EED: variants seen among roughly 807,000 people sequenced by gnomAD.
EED encodes the protein embryonic ectoderm development.
Under a neutral mutation model 61.0 loss-of-function variants are expected in EED, and 9 were observed. That is an observed-to-expected ratio of 0.15 (90% CI 0.09 to 0.26). The LOEUF is 0.26. Among genes scored for constraint, EED ranks in the 10% least tolerant of loss-of-function variants. The probability of loss-of-function intolerance (pLI) is 1.00; values close to 1 mark genes in which losing one functional copy is unlikely to be tolerated. For missense variants in EED, 315 were observed against 542.3 expected (o/e 0.58, Z 4.16); for synonymous variants, 187 against 174.4 (o/e 1.07, Z -0.57).
At chr11:86,262,696 A>G (rs1250624252) in intron 6 of EED, among the ~76,000 whole-genome samples, 1 of 151,936 alleles carries the variant, frequency 6.6e-6, no homozygotes, top group Non-Finnish European at 1.5e-5. Context: ...TTTTTTGTAG[A>G]GATGGAGTTT....
chr11:86,275,601 A>G (rs190153645), intron 9 of EED, among the ~76,000 whole-genome samples: 51 of 152,308 alleles, frequency 3.3e-4, no homozygotes, highest in African/African-American at 9.4e-4. Context: ...GGACTCCAGT[A>G]CTTAAAAATT....
In EED at chr11:86,268,443, A is replaced by T; in HGVS notation, c.861-13A>T. 7.0e-6 allele frequency: 10 copies of T among 1,421,056 alleles called. No individual in the cohort carries two copies. Among genetic ancestry groups the T allele is most frequent in the African/African-American group, 1.4e-5 (1 of 69,710 alleles). The allele number at this position is 1,421,056 out of a possible 1,614,324, so 88.0% of individuals were successfully genotyped here. ...TTTTCTTTTAACTTTTTACATTTCC[A>T]TTCTTCCTTCAGGCCATTTATTTCT... On this transcript the variant is annotated splice_polypyrimidine_tract_variant and intron_variant, in intron 8 of 11. Transcript: ENST00000263360.
At chr11:86,255,566 A>G (rs1593732333) in intron 4 of EED, among the ~76,000 whole-genome samples, 2 of 152,302 alleles carry the variant, frequency 1.3e-5, no homozygotes, top group East Asian at 3.8e-4. Context: ...GGAGCATTAG[A>G]AATCTAGTAA....
intron 1 of EED, among the ~76,000 whole-genome samples, chr11:86,248,025 C>T (rs1396592614): frequency 6.6e-6 from 1 of 152,202 alleles, no homozygotes; most frequent in Non-Finnish European, 1.5e-5. Context: ...GGAGACTTGT[C>T]TTTTTGCTTA....
In EED at chr11:86,245,070, C is replaced by G; in HGVS notation, c.-160C>G. The G allele has an allele frequency of 3.6e-6, 2 of 563,196 alleles. No homozygotes were observed. Among genetic ancestry groups the G allele is most frequent in the East Asian group, 3.4e-5 (1 of 29,326 alleles). The allele number at this position is 563,196 out of a possible 1,614,324, so 34.9% of individuals were successfully genotyped here. Reference sequence around the variant, plus strand: ...GCAGTGTGGCGGGGTCGCACGCACGCCCGCCTCGGCGGCTGGGCGCGATTT... The same window carrying G: ...GCAGTGTGGCGGGGTCGCACGCACGGCCGCCTCGGCGGCTGGGCGCGATTT... On this transcript the variant is annotated 5_prime_UTR_variant, in exon 1 of 12. Coordinates refer to ENST00000263360, the MANE Select transcript of EED (RefSeq NM_003797.5).
intron 3 of EED, among the ~76,000 whole-genome samples, chr11:86,252,456 A>G (rs1945556912): frequency 1.3e-5 from 2 of 152,178 alleles, no homozygotes; most frequent in South Asian, 4.2e-4. Context: ...ATTATTTATG[A>G]AACAGGTTTT....
At chr11:86,285,810 A>C in the EED span, among the ~76,000 whole-genome samples, 4,997 of 151,746 alleles carry the variant, frequency 0.033, 259 homozygotes, top group African/African-American at 0.11. Flanking sequence ...GTTGGCCAGG[A>C]TGGTCTCGAA....
chr11:86,280,870 T>C (rs1014539438), downstream of EED, among the ~76,000 whole-genome samples: 1 of 152,206 alleles, frequency 6.6e-6, no homozygotes, highest in Non-Finnish European at 1.5e-5. Flanking sequence ...TTGGGAGTTA[T>C]CATGAAAGGG....
chr11:86,254,865 C>T (rs1217693442), intron 3 of EED, among the ~76,000 whole-genome samples: 1 of 152,242 alleles, frequency 6.6e-6, no homozygotes, highest in Non-Finnish European at 1.5e-5. Flanking sequence ...TCATGATCCG[C>T]ATGCCTTGGC....
intron 8 of EED, among the ~76,000 whole-genome samples, chr11:86,266,468 G>T (rs1945982614): frequency 6.6e-6 from 1 of 151,968 alleles, no homozygotes; most frequent in South Asian, 2.1e-4. Flanking sequence ...TTACTTATTT[G>T]TATTTTGGTA....
downstream of EED, chr11:86,278,818 T>G (rs1408007521): frequency 1.2e-5 from 3 of 254,858 alleles, no homozygotes; most frequent in South Asian, 1.3e-4. Context: ...TTATAATGGT[T>G]GTTTTTTGTA....
chr11:86,245,187 G>T lies in EED; in HGVS notation c.-43G>T, dbSNP rs368534679. 3.9e-6 allele frequency: 6 copies of T among 1,540,908 alleles called. No individual in the cohort carries two copies. In the East Asian group the frequency reaches 1.4e-4, roughly 36 times the overall value. On this transcript the variant is annotated 5_prime_UTR_variant, in exon 1 of 12. Coordinates refer to ENST00000263360, the MANE Select transcript of EED (RefSeq NM_003797.5). ...CTTGCTTGACGGCGGTGTGGCGGAG[G>T]CCCCGCCCCAGGCGGCAGGAACCTG... is the stretch of plus-strand genomic sequence containing the variant.
At chr11:86,246,703 A>G (rs2374721) in intron 1 of EED, among the ~76,000 whole-genome samples, 107,415 of 152,044 alleles carry the variant, frequency 0.71, 38,370 homozygotes, top group Non-Finnish European at 0.78. Context: ...TTATTATTTG[A>G]AGACCGTTCA....
intron 1 of EED, among the ~76,000 whole-genome samples, chr11:86,248,149 G>C (rs1386663391): frequency 2.0e-5 from 3 of 152,206 alleles, no homozygotes; most frequent in Non-Finnish European, 4.4e-5. Context: ...CTGTTGCACA[G>C]TATCATTCTT....
Position 86,245,121 on chromosome 11 carries a change from TGGC to T in EED, c.-102_-100del. On this transcript the variant is annotated 5_prime_UTR_variant, in exon 1 of 12. Coordinates refer to ENST00000263360, the MANE Select transcript of EED (RefSeq NM_003797.5). ...GCGACAGTGGGGGGGGCGGTGGAGGTGGCGGCGGCAGCGGCAACTTTGCGGCAA... is the reference window on the plus strand; with the variant it reads ...GCGACAGTGGGGGGGGCGGTGGAGGTGGCGGCAGCGGCAACTTTGCGGCAA... 1.4e-6 allele frequency: 1 copy of T among 710,046 alleles called. No individual in the cohort carries two copies. The highest frequency in any genetic ancestry group is 2.2e-6 in the Non-Finnish European group (1 of 449,786). 44.0% of individuals were successfully genotyped at this position (710,046 alleles called of 1,614,324 possible). A position where few individuals can be genotyped will look rare whatever the true frequency, so the allele number is the denominator to read the frequency against.
At chr11:86,273,407 T>C (rs1429897526) in intron 9 of EED, among the ~76,000 whole-genome samples, 1 of 152,262 alleles carries the variant, frequency 6.6e-6, no homozygotes, top group African/African-American at 2.4e-5. Flanking sequence ...GAGAACCATA[T>C]CAGTTTTTTT....
chr11:86,272,390 T>G (rs1946139007), intron 9 of EED, among the ~76,000 whole-genome samples: 1 of 152,128 alleles, frequency 6.6e-6, no homozygotes, highest in South Asian at 2.1e-4. Flanking sequence ...CTTTTATCAG[T>G]TTCTTAAGAT....
At chr11:86,247,107 A>C (rs55707891) in intron 1 of EED, among the ~76,000 whole-genome samples, 450 of 152,352 alleles carry the variant, frequency 3.0e-3, no homozygotes, top group African/African-American at 0.01. Context: ...AGAAACTTGC[A>C]AAGGACAAAA....
At chr11:86,265,812 A>G (rs1945959993) in intron 7 of EED, 1 of 207,604 alleles carries the variant, frequency 4.8e-6, no homozygotes, top group African/African-American at 2.3e-5. Flanking sequence ...TAAATATTTT[A>G]GTGTAATTGA....
Sources: gnomAD v4.1 joint callset for allele counts (sites outside exome capture counted in the v4.1 genomes callset) on GRCh38, gnomAD v4.1.1 for gene constraint, MANE v1.5 for transcripts, NCBI Gene and HGNC (gene_info 2026-07-23, HGNC 2026-07-21) for gene names.